The following COMT variants were observed in gnomAD, a reference collection of about 807,000 sequenced individuals.
COMT encodes the protein catechol O-methyltransferase.
In COMT, 13 loss-of-function variants were observed where a neutral mutation model predicts 18.9. The ratio of observed to expected loss-of-function variants is 0.69; its 90% CI spans 0.45 to 1.09. COMT has a LOEUF of 1.09. Ranked by LOEUF, COMT falls within the 50% of genes least tolerant of loss-of-function variation. COMT has a pLI of 0.00. For missense variants in COMT, 329 were observed against 361.8 expected, an observed-to-expected ratio of 0.91 and a Z score of 0.73; for synonymous variants, 150 against 160.9, an observed-to-expected ratio of 0.93 and a Z score of 0.51.
At chr22:19,950,204 T>TA (rs928509088) in intron 1 of COMT, among the ~76,000 whole-genome samples, 9 of 150,576 alleles carry the variant, frequency 6.0e-5, no homozygotes, top group African/African-American at 2.0e-4. Flanking sequence ...CTTTTTTTTT[T>TA]ACTCTATTTT....
At chr22:19,949,690 C>T (rs555623141) in intron 1 of COMT, among the ~76,000 whole-genome samples, 6 of 152,098 alleles carry the variant, frequency 3.9e-5, no homozygotes, top group East Asian at 1.9e-4. Flanking sequence ...CTTGAACTCC[C>T]GGGCTCAAGT....
At chr22:19,956,906 T>G (rs796627365) in intron 1 of COMT, among the ~76,000 whole-genome samples, 12 of 152,112 alleles carry the variant, frequency 7.9e-5, no homozygotes, top group African/African-American at 2.9e-4. Context: ...TTTAAGAGTC[T>G]CATTTCACTG....
Position 19,962,776 on chromosome 22 carries a change from G to A in COMT, c.250G>A (p.Glu84Lys), listed in dbSNP as rs199690157. The change falls in exon 3 of 6, where the codon GAG (glutamate) becomes AAG (lysine). Residue 84 changes from glutamate (E) to lysine (K), a missense_variant. Glu to Lys is a moderately conservative substitution (Grantham distance 56). Transcript: ENST00000361682. ...SVLEAIDTYC[E>K]QKEWAMNVGD... ...GCTGGAGGCCATTGACACCTACTGC[G>A]AGCAGAAGGAGTGGGCCATGAACGT... The A allele has an allele frequency of 7.0e-5, 112 of 1,609,566 alleles. No individual in the cohort carries two copies. The East Asian group carries it at 1.3e-3, about 19-fold the overall frequency.
At chr22:19,965,721 G>C (rs1036576239) in intron 5 of COMT, 1 of 152,110 alleles carries the variant, frequency 6.6e-6, no homozygotes, top group Admixed American at 6.5e-5. Context: ...TGTGGAGAGG[G>C]CTGTGGGGAG....
At chr22:19,947,965 T>G (rs1941866621) in intron 1 of COMT, among the ~76,000 whole-genome samples, 1 of 152,234 alleles carries the variant, frequency 6.6e-6, no homozygotes, top group African/African-American at 2.4e-5. Flanking sequence ...AACAGAAGGC[T>G]CACACGCTTG....
chr22:19,942,184 T>A (rs893984427), intron 1 of COMT, among the ~76,000 whole-genome samples: 1 of 152,050 alleles, frequency 6.6e-6, no homozygotes, highest in East Asian at 1.9e-4. Context: ...CGGTGAGAGA[T>A]CCCGCTTCAA....
At chr22:19,957,051 C>T (rs1321889791) in intron 1 of COMT, among the ~76,000 whole-genome samples, 3 of 150,198 alleles carry the variant, frequency 2.0e-5, no homozygotes, top group East Asian at 2.0e-4. Context: ...CTGGGGTTCA[C>T]GCCATTCTCC....
At chr22:19,958,012 G>A (rs922679638) in intron 1 of COMT, among the ~76,000 whole-genome samples, 4 of 152,134 alleles carry the variant, frequency 2.6e-5, no homozygotes, top group Admixed American at 6.6e-5. Flanking sequence ...ATTGGGGTAC[G>A]AGTATCTGGT....
intron 3 of COMT, 84 bp from the exon 4 acceptor site, chr22:19,963,482 G>C: frequency 6.7e-7 from 1 of 1,500,510 alleles, no homozygotes; most frequent in South Asian, 1.2e-5. Flanking sequence ...TGCTCTTTGG[G>C]AGAGGTGGGG....
intron 3 of COMT, 32 bp downstream of exon 3, chr22:19,962,847 G>A (rs761850855): frequency 2.5e-6 from 4 of 1,583,986 alleles, no homozygotes; most frequent in African/African-American, 1.3e-5. Context: ...GCTCAGCTCT[G>A]GGACAGGGAC....
intron 5 of COMT, chr22:19,967,232 G>A: frequency 7.7e-7 from 1 of 1,303,218 alleles, no homozygotes; most frequent in Non-Finnish European, 1.0e-6. Context: ...TTGGGCTCCT[G>A]AGTCCCCTGG....
chr22:19,949,675 G>T (rs1235651390), intron 1 of COMT, among the ~76,000 whole-genome samples: 2 of 151,858 alleles, frequency 1.3e-5, no homozygotes, highest in Non-Finnish European at 2.9e-5. Flanking sequence ...AGGACTCACT[G>T]CACCCTTGAA....
At chr22:19,949,748 T>C (rs1050468566) in intron 1 of COMT, among the ~76,000 whole-genome samples, 1 of 151,976 alleles carries the variant, frequency 6.6e-6, no homozygotes, top group African/African-American at 2.4e-5. Context: ...CAGGCATGAG[T>C]CACCACGCCC....
intron 5 of COMT, chr22:19,965,641 T>A (rs1431015490): frequency 6.6e-6 from 1 of 152,362 alleles, no homozygotes; most frequent in East Asian, 1.9e-4. Context: ...CGTCCGGCCG[T>A]ATTCCAGCTT....
At position 19,944,640 on chromosome 22, in the gene COMT, C is replaced by T. The variant is rs1033313203; in HGVS notation, c.-92+2743C>T. Among the ~76,000 whole-genome samples the T allele has an allele frequency of 1.5e-3, 229 of 152,186 alleles. 2 individuals carry two copies. The highest frequency in any genetic ancestry group is 5.4e-3 in the African/African-American group (223 of 41,516). On this transcript the variant is annotated intron_variant, in intron 1 of 5. Coordinates refer to ENST00000361682, the MANE Select transcript of COMT (RefSeq NM_000754.4). The stretch of plus-strand genomic sequence containing the variant: ...GAGATCGAGACCATCCTGGCTAACA[C>T]GGTGAAACCCCATCTCTACTAAAAA...
intron 1 of COMT, among the ~76,000 whole-genome samples, chr22:19,950,215 A>G (rs915758282): frequency 1.7e-5 from 2 of 116,724 alleles, no homozygotes; most frequent in South Asian, 2.8e-4. Context: ...ACTCTATTTT[A>G]TATATTTTTT....
intron 1 of COMT, among the ~76,000 whole-genome samples, chr22:19,955,423 C>T (rs1281464726): frequency 6.6e-6 from 1 of 152,238 alleles, no homozygotes; most frequent in Non-Finnish European, 1.5e-5. Context: ...GGATCGCAGT[C>T]GAATCCCCTG....
intron 1 of COMT, among the ~76,000 whole-genome samples, chr22:19,954,718 G>T (rs1281698540): frequency 3.3e-5 from 5 of 152,214 alleles, no homozygotes; most frequent in East Asian, 3.8e-4. Context: ...CTCCCAAAAT[G>T]CTGGGATTAC....
chr22:19,962,561 TGTTGCTGGGCCTGGTGCTGCTGGTG>T lies in COMT; in HGVS notation c.38_62del (p.Leu13CysfsTer6). ...GCCCCGCCTCTGCTGTTGGCAGCTG[TGTTGCTGGGCCTGGTGCTGCTGGTG>T]GTGCTGCTGCTGCTTCTGAGGCACT... On this transcript the variant is annotated frameshift_variant, in exon 3 of 6. Coordinates refer to ENST00000361682, the MANE Select transcript of COMT (RefSeq NM_000754.4). LOFTEE classifies it high-confidence loss of function. The T allele has an allele frequency of 6.5e-7, 1 of 1,544,676 alleles. No individual in the cohort carries two copies. The highest frequency in any genetic ancestry group is 1.2e-5 in the South Asian group (1 of 85,270).
Sources: gnomAD v4.1 joint callset for allele counts (sites outside exome capture counted in the v4.1 genomes callset) on GRCh38, gnomAD v4.1.1 for gene constraint, MANE v1.5 for transcripts, NCBI Gene and HGNC (gene_info 2026-07-23, HGNC 2026-07-21) for gene names.